The following TRAK1 variants were observed in gnomAD, a reference collection of about 807,000 sequenced individuals.
TRAK1 encodes trafficking kinesin protein 1, also known as trafficking kinesin-binding protein 1.
In TRAK1, 33 loss-of-function variants were observed where a neutral mutation model predicts 92.1. That is an observed-to-expected ratio of 0.36 (90% confidence interval 0.27 to 0.48). The LOEUF (loss-of-function observed/expected upper bound fraction) is 0.48, where lower values mean the gene tolerates loss of function less well. Among genes scored for constraint, TRAK1 ranks in the 20% least tolerant of loss-of-function variants. The pLI, the probability that TRAK1 is intolerant of heterozygous loss-of-function variation, is 0.99. For synonymous variants in TRAK1, 521 were observed against 517.3 expected, an observed-to-expected ratio of 1.01 and a Z score of -0.10; for missense variants, 1,123 against 1,257.9, an observed-to-expected ratio of 0.89 and a Z score of 1.62.
intron 1 of TRAK1, among the ~76,000 whole-genome samples, chr3:42,037,895 TG>T (rs1360867610): frequency 6.6e-6 from 1 of 152,082 alleles, no homozygotes; most frequent in Non-Finnish European, 1.5e-5. Flanking sequence ...GACCCCGGAG[TG>T]GAGCCTGGGA....
At chr3:42,211,170 C>T (rs1708985258) in intron 14 of TRAK1, 5 of 985,022 alleles carry the variant, frequency 5.1e-6, no homozygotes, top group Admixed American at 1.2e-4. Context: ...TTTGTGAAGG[C>T]CACAACACTC....
At chr3:42,080,169 A>G (rs1314672105) in intron 1 of TRAK1, among the ~76,000 whole-genome samples, 1 of 152,092 alleles carries the variant, frequency 6.6e-6, no homozygotes, top group Non-Finnish European at 1.5e-5. Context: ...GCGGGGAGAA[A>G]ATATTAGGAA....
In TRAK1 at chr3:42,224,928, C is replaced by G. The variant is rs757540699; in HGVS notation, c.*1191C>G. ...GTTTCAGAACAGCACATGGTCACAA[C>G]AAGATATTTTCTTTCCCTCCAAAGC... On this transcript the variant is annotated 3_prime_UTR_variant, in exon 16 of 16. Transcript: ENST00000327628. 6.6e-6 allele frequency: 1 copy of G among 152,200 alleles called. No homozygotes were observed. Among genetic ancestry groups the G allele is most frequent in the Non-Finnish European group, 1.5e-5 (1 of 68,040 alleles). 9.4% of individuals were successfully genotyped at this position (152,200 alleles called of 1,614,324 possible).
chr3:42,041,136 CTT>C lies in TRAK1; in HGVS notation c.-519+27020_-519+27021del, dbSNP rs558328456. 6.9e-3 allele frequency among the ~76,000 whole-genome samples: 852 copies of C among 123,232 alleles called. 3 individuals carry two copies. The highest frequency in any genetic ancestry group is 0.032 in the African/African-American group (788 of 24,296). 80.8% of individuals were successfully genotyped at this position (123,232 alleles called of 152,430 possible). On this transcript the variant is annotated intron_variant, in intron 1 of 16. Coordinates refer to the TRAK1 transcript ENST00000487159. The stretch of plus-strand genomic sequence containing the variant: ...TTTAAGACCAGCTAGTTAATTTATG[CTT>C]AAAAAAAAAAAAAAACGGCTGGGAT...
chr3:42,161,902 C>G (rs1329281439), intron 2 of TRAK1, among the ~76,000 whole-genome samples: 1 of 152,166 alleles, frequency 6.6e-6, no homozygotes, highest in African/African-American at 2.4e-5. Context: ...TCCATCTGCC[C>G]TTGTAGAACT....
intron 2 of TRAK1, among the ~76,000 whole-genome samples, chr3:42,148,356 C>A (rs1039251420): frequency 6.6e-6 from 1 of 152,000 alleles, no homozygotes; most frequent in African/African-American, 2.4e-5. Flanking sequence ...GTTGAGAGAC[C>A]CTGCTTTAGG....
At chr3:42,095,680 A>G (rs1214920891) in intron 1 of TRAK1, among the ~76,000 whole-genome samples, 1 of 152,104 alleles carries the variant, frequency 6.6e-6, no homozygotes, top group Non-Finnish European at 1.5e-5. Context: ...TATTCTTTAA[A>G]ATAGCGACAT....
chr3:42,187,895 G>C (rs1705127421), intron 4 of TRAK1, 150 bp from the exon 5 acceptor site: 1 of 684,638 alleles, frequency 1.5e-6, no homozygotes, highest in Non-Finnish European at 2.6e-6. Context: ...CTCTTTTTTT[G>C]AATAGCACAA....
At chr3:42,134,192 C>T (rs1444553639) in intron 2 of TRAK1, among the ~76,000 whole-genome samples, 3 of 110,896 alleles carry the variant, frequency 2.7e-5, no homozygotes, top group Non-Finnish European at 3.7e-5. Flanking sequence ...CCCCTTCCCC[C>T]TCCCCTTCCC....
intron 1 of TRAK1, among the ~76,000 whole-genome samples, chr3:42,115,533 C>T (rs115230927): frequency 1.2e-4 from 18 of 152,246 alleles, no homozygotes; most frequent in African/African-American, 4.1e-4. Context: ...GATGGTAACT[C>T]GGTACGTGAC....
chr3:42,043,156 G>A (rs765512477), intron 1 of TRAK1, among the ~76,000 whole-genome samples: 122 of 151,934 alleles, frequency 8.0e-4, no homozygotes, highest in Non-Finnish European at 1.4e-3. Flanking sequence ...TGGGCTTATG[G>A]GCAGCAGCTT....
At chr3:42,024,035 G>A (rs918430573) in intron 1 of TRAK1, among the ~76,000 whole-genome samples, 6 of 152,134 alleles carry the variant, frequency 3.9e-5, no homozygotes, top group African/African-American at 7.2e-5. Context: ...GATTACAGGC[G>A]TGAGCCACCG....
intron 14 of TRAK1, chr3:42,211,957 C>G: frequency 1.0e-6 from 1 of 985,336 alleles, no homozygotes; most frequent in Non-Finnish European, 1.2e-6. Context: ...TAGGAAGGGT[C>G]TGATCATTTA....
chr3:42,179,511 C>T (rs1428112953), intron 3 of TRAK1, among the ~76,000 whole-genome samples: 4 of 152,212 alleles, frequency 2.6e-5, no homozygotes, highest in Non-Finnish European at 2.9e-5. Flanking sequence ...GCAGAGCTTG[C>T]CTCCTCCTCG....
chr3:42,138,621 T>G (rs1698247536), intron 2 of TRAK1, among the ~76,000 whole-genome samples: 1 of 151,250 alleles, frequency 6.6e-6, no homozygotes, highest in South Asian at 2.1e-4. Context: ...ATGTGGCGGC[T>G]CACACCTATA....
chr3:42,046,485 C>T (rs1251626593), intron 1 of TRAK1, among the ~76,000 whole-genome samples: 1 of 152,114 alleles, frequency 6.6e-6, no homozygotes, highest in Admixed American at 6.5e-5. Context: ...TTCGATGGCC[C>T]TTTGGCCATC....
intron 8 of TRAK1, 35 bp downstream of exon 8, chr3:42,193,240 A>G (rs1706083890): frequency 1.9e-6 from 3 of 1,610,968 alleles, no homozygotes; most frequent in Non-Finnish European, 8.5e-7. Context: ...TGATACAACA[A>G]TGGCCATGCT....
At chr3:42,218,475 G>A (rs1468641144) in intron 14 of TRAK1, 5 of 984,636 alleles carry the variant, frequency 5.1e-6, no homozygotes, top group East Asian at 1.1e-4. Context: ...GAATCATCCC[G>A]GCACTTCATC....
chr3:42,018,085 T>TCCA (rs1309282011), intron 1 of TRAK1, among the ~76,000 whole-genome samples: 78 of 21,554 alleles, frequency 3.6e-3, no homozygotes, highest in Admixed American at 5.8e-3. Context: ...ACCTCATTGT[T>TCCA]ACAAAAAAAA....
Sources: allele counts gnomAD v4.1 joint callset (sites outside exome capture counted in the v4.1 genomes callset), GRCh38; gene constraint gnomAD v4.1.1; transcripts MANE v1.5; gene names NCBI Gene and HGNC (gene_info 2026-07-23, HGNC 2026-07-21).